METTL16: variants seen among roughly 807,000 people sequenced by gnomAD.
METTL16 encodes the protein RNA N(6)-adenosine-methyltransferase METTL16.
METTL16 carries 19 observed loss-of-function variants against 57.9 expected under a neutral mutation model. That is an observed-to-expected ratio of 0.33 (90% CI 0.23 to 0.48). The LOEUF (loss-of-function observed/expected upper bound fraction) is 0.48. Among genes scored for constraint, METTL16 ranks in the 20% least tolerant of loss-of-function variants. The pLI, the probability that METTL16 is intolerant of heterozygous loss-of-function variation, is 0.99. For synonymous variants in METTL16, 246 were observed against 255.6 expected, an observed-to-expected ratio of 0.96 and a Z score of 0.36; for missense variants, 434 against 691.5, an observed-to-expected ratio of 0.63 and a Z score of 4.18.
rs1345350571 is a variant in METTL16 at position 2,419,755 on chromosome 17, A to G, written c.*215T>C. ...GCTTTCTGTTGTTACTGATGACCAC[A>G]ATTCCTCCTTGTAAATGACCACACT... is the stretch of plus-strand genomic sequence containing the variant. On this transcript the variant is annotated 3_prime_UTR_variant, in exon 10 of 10. Transcript: ENST00000263092. The G allele has an allele frequency of 4.2e-6, 3 of 707,770 alleles. No individual in the cohort carries two copies. The highest frequency in any genetic ancestry group is 2.7e-5 in the East Asian group (1 of 36,446). 43.8% of individuals were successfully genotyped at this position (707,770 alleles called of 1,614,324 possible).
intron 5 of METTL16, among the ~76,000 whole-genome samples, chr17:2,465,065 A>G (rs1244015540): frequency 6.6e-6 from 1 of 152,218 alleles, no homozygotes; most frequent in East Asian, 1.9e-4. Flanking sequence ...ACAACTTAAT[A>G]ATAAAAACAA....
intron 8 of METTL16, among the ~76,000 whole-genome samples, chr17:2,429,507 G>A (rs1295968380): frequency 3.3e-5 from 5 of 150,220 alleles, no homozygotes; most frequent in African/African-American, 7.4e-5. Context: ...ACATTTATCC[G>A]GCTTTACTAG....
Position 2,477,833 on chromosome 17 carries a change from T to G in METTL16, c.181A>C (p.Arg61=). The G allele has an allele frequency of 6.2e-7, 1 of 1,614,072 alleles. No individual in the cohort carries two copies. Among genetic ancestry groups the G allele is most frequent in the Non-Finnish European group, 8.5e-7 (1 of 1,179,954 alleles). The stretch of plus-strand genomic sequence containing the variant: ...TCAATAGAAAGTCCAAAATCTTCCC[T>G]TAGGAGAGTACACGTCAGAGCTCTG... The part of the protein sequence containing the change: ...AVRALTCTLL[R]EDFGLSIDIP... The change falls in exon 3 of 10, where the codon AGG becomes CGG. Residue 61 remains arginine (R), a synonymous_variant. Coordinates refer to ENST00000263092, the MANE Select transcript of METTL16 (RefSeq NM_024086.4).
chr17:2,438,074 G>A lies in METTL16; in HGVS notation c.888+35C>T, dbSNP rs953621422. The A allele has an allele frequency of 4.9e-6, 7 of 1,437,674 alleles. No individual in the cohort carries two copies. In the East Asian group the frequency reaches 6.8e-5, roughly 14 times the overall value. 89.1% of individuals were successfully genotyped at this position (1,437,674 alleles called of 1,614,324 possible). On this transcript the variant is annotated intron_variant, in intron 8 of 9. Coordinates refer to ENST00000263092, the MANE Select transcript of METTL16 (RefSeq NM_024086.4). ...GATGGACTGAAACCCACCATGTGCT[G>A]GCAGGTGGTGAAGCGGAGCAAGGTC...
chr17:2,469,549 A>C (rs1395808771), intron 4 of METTL16, among the ~76,000 whole-genome samples: 1 of 152,176 alleles, frequency 6.6e-6, no homozygotes, highest in Admixed American at 6.5e-5. Flanking sequence ...TTTGAGACAC[A>C]GTCTCATTCT....
intron 2 of METTL16, among the ~76,000 whole-genome samples, chr17:2,484,493 C>T (rs906298194): frequency 6.6e-6 from 1 of 151,868 alleles, no homozygotes; most frequent in South Asian, 2.1e-4. Flanking sequence ...GACCACTACT[C>T]TGTTCTTTTT....
At position 2,446,751 on chromosome 17, in the gene METTL16, C is replaced by T. The variant is rs535179606; in HGVS notation, c.729-5192G>A. Among the ~76,000 whole-genome samples, 465 of 151,852 alleles carry T rather than the reference C, an allele frequency of 3.1e-3. 2 individuals carry two copies. The highest frequency in any genetic ancestry group is 5.3e-3 in the Non-Finnish European group (358 of 67,892). The stretch of plus-strand genomic sequence containing the variant: ...CAGCCTGCTACGCCTCACTGGTTCT[C>T]GTTTTTTTTTTGGTGGAGACGGGGT... On this transcript the variant is annotated intron_variant, in intron 6 of 9. Coordinates refer to ENST00000263092, the MANE Select transcript of METTL16 (RefSeq NM_024086.4).
At chr17:2,482,445 C>T (rs2067314093) in intron 2 of METTL16, among the ~76,000 whole-genome samples, 1 of 152,122 alleles carries the variant, frequency 6.6e-6, no homozygotes, top group Non-Finnish European at 1.5e-5. Flanking sequence ...TGAACCGTGG[C>T]TACATAATAA....
chr17:2,473,207 G>A (rs994367645), intron 4 of METTL16, among the ~76,000 whole-genome samples: 3 of 152,026 alleles, frequency 2.0e-5, no homozygotes, highest in African/African-American at 7.3e-5. Context: ...AAAGTCTCTG[G>A]AAATGTTTCT....
intron 5 of METTL16, among the ~76,000 whole-genome samples, chr17:2,466,150 G>A (rs1597457655): frequency 7.0e-6 from 1 of 142,724 alleles, no homozygotes; most frequent in Non-Finnish European, 1.5e-5. Flanking sequence ...CTGAGATCAC[G>A]CCACTACACT....
At chr17:2,447,109 C>T (rs1306825176) in intron 6 of METTL16, among the ~76,000 whole-genome samples, 99 of 142,906 alleles carry the variant, frequency 6.9e-4, no homozygotes, top group African/African-American at 2.8e-3. Context: ...CGTCTCTGCC[C>T]GGCCGCCGTC....
intron 6 of METTL16, among the ~76,000 whole-genome samples, chr17:2,449,533 A>T (rs2067052983): frequency 6.7e-6 from 1 of 149,534 alleles, no homozygotes; most frequent in South Asian, 2.1e-4. Flanking sequence ...AACAAAAAAC[A>T]AACAAAAAAA....
intron 6 of METTL16, among the ~76,000 whole-genome samples, chr17:2,458,213 A>G (rs11871188): frequency 0.27 from 41,693 of 151,970 alleles, 9,744 homozygotes; most frequent in African/African-American, 0.64. Flanking sequence ...TACCCATCCC[A>G]AAATAGGTGG....
At chr17:2,453,522 C>G (rs375851559) in intron 6 of METTL16, among the ~76,000 whole-genome samples, 1 of 152,168 alleles carries the variant, frequency 6.6e-6, no homozygotes, top group Non-Finnish European at 1.5e-5. Flanking sequence ...CTTCCAGGTG[C>G]GTCACATCAG....
chr17:2,471,674 A>G (rs1400536792), intron 4 of METTL16, among the ~76,000 whole-genome samples: 3 of 152,120 alleles, frequency 2.0e-5, no homozygotes, highest in African/African-American at 7.2e-5. Flanking sequence ...CTGTAGTCCC[A>G]GCTACTCGGG....
chr17:2,429,872 A>G (rs972741958), intron 8 of METTL16, among the ~76,000 whole-genome samples: 9 of 145,924 alleles, frequency 6.2e-5, no homozygotes, highest in South Asian at 2.2e-4. Context: ...GTGCAGTGGC[A>G]CGATCTCAGC....
chr17:2,478,224 G>C (rs945421477), intron 2 of METTL16, among the ~76,000 whole-genome samples: 2 of 152,134 alleles, frequency 1.3e-5, no homozygotes, highest in African/African-American at 4.8e-5. Context: ...TGTGAAATGA[G>C]GACAGTAATA....
At chr17:2,437,578 G>A (rs111277717) in intron 8 of METTL16, among the ~76,000 whole-genome samples, 6,733 of 152,224 alleles carry the variant, frequency 0.044, 216 homozygotes, top group Non-Finnish European at 0.069. Context: ...TTGAGACAGA[G>A]TCTTGCTCTG....
At chr17:2,467,102 C>T (rs900608162) in intron 5 of METTL16, among the ~76,000 whole-genome samples, 1 of 151,994 alleles carries the variant, frequency 6.6e-6, no homozygotes, top group Non-Finnish European at 1.5e-5. Flanking sequence ...ACCGTGCAAG[C>T]TTCCCAATGC....
Sources: gnomAD v4.1 joint callset for allele counts (sites outside exome capture counted in the v4.1 genomes callset) on GRCh38, gnomAD v4.1.1 for gene constraint, MANE v1.5 for transcripts, NCBI Gene and HGNC (gene_info 2026-07-23, HGNC 2026-07-21) for gene names.